Variants in SV2B observed in about 807,000 individuals in gnomAD.
The protein encoded by SV2B is solute carrier family 22 member B2.
In SV2B, 41 loss-of-function variants were observed where a neutral mutation model predicts 73.9. That is an observed-to-expected ratio of 0.56 (90% confidence interval 0.43 to 0.72). SV2B has a LOEUF of 0.72. Ranked by LOEUF, SV2B falls within the 30% of genes least tolerant of loss-of-function variation. SV2B has a pLI of 0.00. For missense variants in SV2B, 764 were observed against 857.8 expected (o/e 0.89, Z 1.37); for synonymous variants, 314 against 314.2 (o/e 1.00, Z 0.01).
At chr15:91,291,916 A>C (rs2141815115) in intron 12 of SV2B, among the ~76,000 whole-genome samples, 1 of 152,296 alleles carries the variant, frequency 6.6e-6, no homozygotes, top group African/African-American at 2.4e-5. Flanking sequence ...CAGTCTGGGA[A>C]ATGTAGTCCT....
chr15:91,193,258 C>T (rs2045112754), intron 1 of SV2B, among the ~76,000 whole-genome samples: 1 of 152,350 alleles, frequency 6.6e-6, no homozygotes, highest in South Asian at 2.1e-4. Context: ...ATGTTTACCA[C>T]ACCTGCCTGT....
intron 1 of SV2B, among the ~76,000 whole-genome samples, chr15:91,131,147 GTTT>G (rs56130189): frequency 3.4e-5 from 4 of 118,040 alleles, no homozygotes; most frequent in Admixed American, 8.9e-5. Context: ...ATGTTTTCTT[GTTT>G]TTTTTTTTTT....
rs201456032 is a variant in SV2B at position 91,283,999 on chromosome 15, G to A, written c.1508-22G>A. 3.3e-5 allele frequency: 53 copies of A among 1,613,514 alleles called. No homozygotes were observed. The African/African-American group carries it at 3.9e-4, about 12-fold the overall frequency. ...CAGCTCCCTTCCACTTACATGAACCGAAGGTTTCCTTCTCTCCCCAGACCT... is the reference window on the plus strand; with the variant it reads ...CAGCTCCCTTCCACTTACATGAACCAAAGGTTTCCTTCTCTCCCCAGACCT... On this transcript the variant is annotated intron_variant, in intron 10 of 12. Transcript: ENST00000394232. This position sits in a 1 kb window ranked among gnomAD's most constrained non-coding sequence, Gnocchi z 4.3.
intron 1 of SV2B, among the ~76,000 whole-genome samples, chr15:91,199,293 T>A (rs187393256): frequency 1.3e-5 from 2 of 152,224 alleles, no homozygotes; most frequent in African/African-American, 2.4e-5. Context: ...AGGATGGAAA[T>A]TAGGGAGTGA....
intron 1 of SV2B, among the ~76,000 whole-genome samples, chr15:91,125,889 T>C (rs568752014): frequency 9.9e-5 from 15 of 151,884 alleles, no homozygotes; most frequent in African/African-American, 3.6e-4. Context: ...CCTACTGTAC[T>C]TGAACCTAAC....
chr15:91,202,572 A>G (rs2045498218), intron 1 of SV2B, among the ~76,000 whole-genome samples: 1 of 152,238 alleles, frequency 6.6e-6, no homozygotes, highest in South Asian at 2.1e-4. Context: ...GTAAATACCT[A>G]TAAAAAGCTG....
intron 1 of SV2B, among the ~76,000 whole-genome samples, chr15:91,219,883 A>C (rs888510788): frequency 2.0e-5 from 3 of 152,180 alleles, no homozygotes; most frequent in Non-Finnish European, 4.4e-5. Context: ...ATCATACAAC[A>C]CGTGGTCTTT....
In SV2B at chr15:91,289,165, A is replaced by G. The variant is rs2048958739; in HGVS notation, c.1709-356A>G. On this transcript the variant is annotated intron_variant, in intron 11 of 12. Coordinates refer to ENST00000394232, the MANE Select transcript of SV2B (RefSeq NM_001323032.3). This position sits in a 1 kb window ranked among gnomAD's most constrained non-coding sequence, Gnocchi z 4.9. ...GGTTTTTGTTTTTGTTTTTTGGCCA[A>G]TACTGATGTAGCTCAAGCACCTAGA... 6.6e-6 allele frequency among the ~76,000 whole-genome samples: 1 copy of G among 152,160 alleles called. No individual in the cohort carries two copies. Among genetic ancestry groups the G allele is most frequent in the African/African-American group, 2.4e-5 (1 of 41,432 alleles).
At position 91,302,170 on chromosome 15, in the gene SV2B, C is replaced by G. The variant is rs140215678; in HGVS notation, c.*9618C>G. Among the ~76,000 whole-genome samples, 76 of 152,238 alleles carry G rather than the reference C, an allele frequency of 5.0e-4. No individual in the cohort carries two copies. Among genetic ancestry groups the G allele is most frequent in the African/African-American group, 1.7e-3 (71 of 41,532 alleles). On this transcript the variant is annotated 3_prime_UTR_variant, in exon 13 of 13. Coordinates refer to ENST00000394232, the MANE Select transcript of SV2B (RefSeq NM_001323032.3). ...ACAGTATTTGATACGTAGTAGGTCT[C>G]AATAGATGATGAATAGACCGATGAA...
Position 91,220,565 on chromosome 15 carries a change from G to T in SV2B, c.-391-5308G>T, listed in dbSNP as rs1567357327. On this transcript the variant is annotated intron_variant, in intron 1 of 12. Coordinates refer to ENST00000394232, the MANE Select transcript of SV2B (RefSeq NM_001323032.3). This position sits in a 1 kb window ranked among gnomAD's most constrained non-coding sequence, Gnocchi z 4.1. ...TTAACTTTGTTTTCTGTGATATTTA[G>T]TAATAAGCAAGAGTTTGCTGCACAA... Among the ~76,000 whole-genome samples the T allele has an allele frequency of 1.3e-5, 2 of 152,218 alleles. No homozygotes were observed. Among genetic ancestry groups the T allele is most frequent in the Non-Finnish European group, 2.9e-5 (2 of 68,036 alleles).
chr15:91,219,501 A>G (rs902798401), intron 1 of SV2B, among the ~76,000 whole-genome samples: 1 of 152,146 alleles, frequency 6.6e-6, no homozygotes, highest in African/African-American at 2.4e-5. Flanking sequence ...CTTTATTTAG[A>G]GCAGCCTATA....
intron 1 of SV2B, among the ~76,000 whole-genome samples, chr15:91,215,252 A>G (rs2045986233): frequency 6.6e-6 from 1 of 152,178 alleles, no homozygotes; most frequent in Non-Finnish European, 1.5e-5. Flanking sequence ...CTTGAATCAC[A>G]ATGAAACTGT....
chr15:91,209,451 A>G (rs754994243), intron 1 of SV2B, among the ~76,000 whole-genome samples: 19 of 152,308 alleles, frequency 1.2e-4, no homozygotes, highest in Non-Finnish European at 2.2e-4. Flanking sequence ...GCTTAAGCAG[A>G]GTTTTCGAGT....
Position 91,149,003 on chromosome 15 carries a change from C to A in SV2B, c.-392+48640C>A, listed in dbSNP as rs368870809. 3.9e-5 allele frequency among the ~76,000 whole-genome samples: 6 copies of A among 152,218 alleles called. No individual in the cohort carries two copies. In the East Asian group the frequency reaches 7.7e-4, roughly 20 times the overall value. ...TATTTAACCAAATATCTGGGCACCC[C>A]ATGGACTAATCGCATTGACCAGGAC... is the stretch of plus-strand genomic sequence containing the variant. On this transcript the variant is annotated intron_variant, in intron 1 of 12. Coordinates refer to ENST00000394232, the MANE Select transcript of SV2B (RefSeq NM_001323032.3).
chr15:91,162,441 A>G (rs116503425), intron 1 of SV2B, among the ~76,000 whole-genome samples: 3 of 152,250 alleles, frequency 2.0e-5, no homozygotes, highest in African/African-American at 7.2e-5. Context: ...ACTTATTTTC[A>G]TTGGCTTGGA....
At chr15:91,183,201 T>C (rs1367965940) in intron 1 of SV2B, among the ~76,000 whole-genome samples, 1 of 152,122 alleles carries the variant, frequency 6.6e-6, no homozygotes. Context: ...GGATGAAAAA[T>C]GAAAAATAGC....
intron 10 of SV2B, among the ~76,000 whole-genome samples, chr15:91,282,148 A>G (rs1275045079): frequency 6.6e-6 from 1 of 152,252 alleles, no homozygotes; most frequent in Non-Finnish European, 1.5e-5. Context: ...GCTATACACG[A>G]AGGGTCTTTG....
intron 1 of SV2B, among the ~76,000 whole-genome samples, chr15:91,126,064 A>C (rs1198521255): frequency 1.3e-5 from 2 of 152,182 alleles, no homozygotes; most frequent in Non-Finnish European, 2.9e-5. Flanking sequence ...CACTCTTAAG[A>C]GGGATTGGTC....
Position 91,290,228 on chromosome 15 carries a change from T to C in SV2B, c.1868+548T>C, listed in dbSNP as rs1309522917. ...ATTGTTTTTCTTCGTGGAGGGGAAT[T>C]GTAAAGTTTAAAGGAGAAGATAAGA... is the stretch of plus-strand genomic sequence containing the variant. On this transcript the variant is annotated intron_variant, in intron 12 of 12. Coordinates refer to ENST00000394232, the MANE Select transcript of SV2B (RefSeq NM_001323032.3). This position sits in a 1 kb window ranked among gnomAD's most constrained non-coding sequence, Gnocchi z 4.7. 1.3e-5 allele frequency among the ~76,000 whole-genome samples: 2 copies of C among 152,112 alleles called. No homozygotes were observed. Among genetic ancestry groups the C allele is most frequent in the African/African-American group, 4.8e-5 (2 of 41,406 alleles).
Sources: allele counts gnomAD v4.1 joint callset (sites outside exome capture counted in the v4.1 genomes callset), GRCh38; gene constraint gnomAD v4.1.1; non-coding constraint Gnocchi (gnomAD v3.1); transcripts MANE v1.5; gene names NCBI Gene and HGNC (gene_info 2026-07-23, HGNC 2026-07-21).